Variants in COL4A2 observed in about 807,000 individuals in gnomAD.
The protein encoded by COL4A2 is collagen alpha-2(IV) chain.
Under a neutral mutation model 200.2 loss-of-function variants are expected in COL4A2, and 99 were observed. The ratio of observed to expected loss-of-function variants is 0.49; its 90% CI spans 0.42 to 0.58. COL4A2 has a LOEUF of 0.58. Among genes scored for constraint, COL4A2 ranks in the 20% least tolerant of loss-of-function variants. The probability of loss-of-function intolerance (pLI) is 0.00; values close to 1 mark genes in which losing one functional copy is unlikely to be tolerated. For synonymous variants in COL4A2, 897 were observed against 900.6 expected (o/e 1.00, Z 0.07); for missense variants, 1,950 against 2,314.1 (o/e 0.84, Z 3.23).
chr13:110,352,096 CATG>C (rs552792009), intron 3 of COL4A2, among the ~76,000 whole-genome samples: 2 of 151,994 alleles, frequency 1.3e-5, no homozygotes, highest in African/African-American at 4.8e-5. Context: ...TGATAATGAT[CATG>C]ATGATGATGA....
At chr13:110,309,457 C>G (rs761104919) in intron 3 of COL4A2, among the ~76,000 whole-genome samples, 3 of 152,214 alleles carry the variant, frequency 2.0e-5, no homozygotes, top group African/African-American at 7.2e-5. Flanking sequence ...GATTTATGAA[C>G]CAGAAGCAAT....
chr13:110,343,185 A>G (rs1230180098), intron 3 of COL4A2, among the ~76,000 whole-genome samples: 1 of 152,098 alleles, frequency 6.6e-6, no homozygotes, highest in Non-Finnish European at 1.5e-5. Flanking sequence ...AAATCCCAAC[A>G]ACCTAGTGAG....
chr13:110,484,461 T>A (rs565833639), intron 32 of COL4A2, among the ~76,000 whole-genome samples: 85 of 152,066 alleles, frequency 5.6e-4, no homozygotes, highest in African/African-American at 2.0e-3. Context: ...CCCGGAGACC[T>A]CCCTTCCATG....
At chr13:110,510,259 C>T (rs1056353806) in intron 47 of COL4A2, among the ~76,000 whole-genome samples, 1 of 152,220 alleles carries the variant, frequency 6.6e-6, no homozygotes. Flanking sequence ...TACAAGCGAG[C>T]GCCACGTGGG....
intron 47 of COL4A2, among the ~76,000 whole-genome samples, chr13:110,509,270 T>TATATATACACACACACACACAC (rs1435137108): frequency 1.7e-5 from 2 of 115,600 alleles, no homozygotes; most frequent in African/African-American, 7.0e-5. Context: ...TATATATATA[T>TATATATACACACACACACACAC]ACACACACAC....
At chr13:110,475,425 A>C (rs1043294366) in intron 29 of COL4A2, among the ~76,000 whole-genome samples, 5 of 152,224 alleles carry the variant, frequency 3.3e-5, no homozygotes, top group African/African-American at 9.6e-5. Flanking sequence ...TCCTGCCCCA[A>C]GCTCTTTGAC....
chr13:110,407,744 T>C (rs1254765631), intron 4 of COL4A2, among the ~76,000 whole-genome samples: 1 of 152,096 alleles, frequency 6.6e-6, no homozygotes, highest in Non-Finnish European at 1.5e-5. Context: ...CCGGAGATGC[T>C]TGGCGGAAAG....
In COL4A2 at chr13:110,504,164, A is replaced by G. The variant is rs1252686752; in HGVS notation, c.4302A>G (p.Pro1434=). 2 of 1,613,956 alleles carry G rather than the reference A, an allele frequency of 1.2e-6. No individual in the cohort carries two copies. Among genetic ancestry groups the G allele is most frequent in the Admixed American group, 1.7e-5 (1 of 60,030 alleles). The change falls in exon 45 of 48, where the codon CCA becomes CCG. Residue 1434 remains proline, a synonymous_variant. Transcript: ENST00000360467. ...PPGEPGFRGA[P]GKAGPQGRGG... ...GGCTTGCAGGTTTCCGTGGGGCTCC[A>G]GGGAAAGCTGGGCCCCAAGGAAGAG... is the stretch of plus-strand genomic sequence containing the variant.
At chr13:110,467,981 C>A (rs1373717046) in intron 27 of COL4A2, among the ~76,000 whole-genome samples, 1 of 152,264 alleles carries the variant, frequency 6.6e-6, no homozygotes, top group Non-Finnish European at 1.5e-5. Context: ...CTTGTTTCTT[C>A]TGGAACTAAG....
chr13:110,458,040 C>G (rs1043086678), intron 21 of COL4A2: 9 of 443,814 alleles, frequency 2.0e-5, no homozygotes, highest in African/African-American at 1.4e-4. Flanking sequence ...AGGCTGTGCT[C>G]CTGCTCACCT....
intron 3 of COL4A2, among the ~76,000 whole-genome samples, chr13:110,308,425 C>G (rs375508245): frequency 1.3e-5 from 2 of 152,050 alleles, no homozygotes; most frequent in African/African-American, 2.4e-5. Flanking sequence ...AAGCTGCAGC[C>G]GTAGAGGCCA....
At chr13:110,388,596 A>G (rs1298346655) in intron 4 of COL4A2, among the ~76,000 whole-genome samples, 2 of 152,178 alleles carry the variant, frequency 1.3e-5, no homozygotes, top group Admixed American at 1.3e-4. Context: ...GCGACTTTAA[A>G]TATGGCATAT....
chr13:110,358,944 A>G (rs1877401538), intron 4 of COL4A2, among the ~76,000 whole-genome samples: 1 of 152,168 alleles, frequency 6.6e-6, no homozygotes, highest in South Asian at 2.1e-4. Flanking sequence ...GTGTGTTTGC[A>G]TGTGTGTATA....
chr13:110,440,467 G>A (rs1237470909), intron 16 of COL4A2, among the ~76,000 whole-genome samples: 1 of 151,972 alleles, frequency 6.6e-6, no homozygotes, highest in African/African-American at 2.4e-5. Context: ...CATGGTGTGG[G>A]TACCTGTAAT....
intron 4 of COL4A2, among the ~76,000 whole-genome samples, chr13:110,413,825 AC>A (rs1429324476): frequency 6.6e-6 from 1 of 152,022 alleles, no homozygotes; most frequent in African/African-American, 2.4e-5. Flanking sequence ...GTGATGTGGG[AC>A]CCTCAGCATG....
rs373577134 is a variant in COL4A2, at chr13:110,446,836, C to A, written c.1050C>A (p.Ala350=). Residue 350 remains alanine, a synonymous_variant, in exon 18 of 48, where the codon GCC becomes GCA. Transcript: ENST00000360467. The part of the protein sequence containing the change: ...AGDPGPPGLP[A]YSPHPSLAKG... ...ACCCAGGGCCCCCTGGACTACCTGC[C>A]TACTCCCCTCACCCTTCCCTAGCAA... is the stretch of plus-strand genomic sequence containing the variant. 7.0e-5 allele frequency: 113 copies of A among 1,612,934 alleles called. 1 individual carries two copies. The highest frequency in any genetic ancestry group is 9.2e-5 in the Non-Finnish European group (109 of 1,179,106).
At chr13:110,334,285 G>A (rs7330054) in intron 3 of COL4A2, among the ~76,000 whole-genome samples, 12,938 of 152,204 alleles carry the variant, frequency 0.085, 730 homozygotes, top group African/African-American at 0.15. Context: ...TTGTTTGTTC[G>A]TTCCTTTGTT....
intron 24 of COL4A2, 131 bp downstream of exon 24, chr13:110,462,515 G>GCTCATTCTA (rs973989117): frequency 1.3e-6 from 1 of 784,952 alleles, no homozygotes; most frequent in African/African-American, 1.7e-5. Flanking sequence ...TGCTCATTCT[G>GCTCATTCTA]CTCATTCTAT....
chr13:110,453,669 G>A (rs1049832592), intron 20 of COL4A2, among the ~76,000 whole-genome samples: 1 of 152,150 alleles, frequency 6.6e-6, no homozygotes, highest in Non-Finnish European at 1.5e-5. Flanking sequence ...AGTCAACTGC[G>A]AACAATTTAA....
Sources: allele counts gnomAD v4.1 joint callset (sites outside exome capture counted in the v4.1 genomes callset), GRCh38; gene constraint gnomAD v4.1.1; transcripts MANE v1.5; gene names NCBI Gene and HGNC (gene_info 2026-07-23, HGNC 2026-07-21).